PUM3: variants seen among roughly 807,000 people sequenced by gnomAD.
PUM3 encodes pumilio RNA binding family member 3.
In PUM3, 91 loss-of-function variants were observed where a neutral mutation model predicts 84.0. That is an observed-to-expected ratio of 1.08 (90% confidence interval 0.91 to 1.29). PUM3 has a LOEUF of 1.29. PUM3 is among the 50% of genes most tolerant of loss of function. PUM3 has a pLI of 0.00. For missense variants in PUM3, 1,067 were observed against 767.5 expected, an observed-to-expected ratio of 1.39 and a Z score of -4.61; for synonymous variants, 321 against 266.7, an observed-to-expected ratio of 1.20 and a Z score of -1.98.
At chr9:2,843,607 C>T (rs1240833363) in intron 1 of PUM3, among the ~76,000 whole-genome samples, 1 of 122,432 alleles carries the variant, frequency 8.2e-6, no homozygotes, top group Admixed American at 1.0e-4. Context: ...GAGACGGAGT[C>T]TTGCTCTGTC....
intron 1 of PUM3, among the ~76,000 whole-genome samples, chr9:2,842,548 G>A (rs1816292840): frequency 6.6e-6 from 1 of 152,084 alleles, no homozygotes; most frequent in South Asian, 2.1e-4. Flanking sequence ...CAGTTTAAAT[G>A]ACATTTTCTT....
chr9:2,825,602 C>T (rs1188922967), intron 10 of PUM3, among the ~76,000 whole-genome samples: 2 of 152,068 alleles, frequency 1.3e-5, no homozygotes, highest in African/African-American at 4.8e-5. Flanking sequence ...CCTGCCTCAG[C>T]CTCCCGAGTA....
chr9:2,823,163 G>A (rs930526917), intron 12 of PUM3, among the ~76,000 whole-genome samples: 36 of 152,034 alleles, frequency 2.4e-4, no homozygotes, highest in African/African-American at 7.5e-4. Flanking sequence ...GCAACAGCAT[G>A]AAAAATTATT....
chr9:2,828,021 T>G (rs1300174209), intron 9 of PUM3, among the ~76,000 whole-genome samples: 3 of 152,020 alleles, frequency 2.0e-5, no homozygotes, highest in Non-Finnish European at 4.4e-5. Context: ...GGCTTCCAAG[T>G]CTTACAATCC....
At chr9:2,805,986 T>G (rs1200148362) in intron 17 of PUM3, among the ~76,000 whole-genome samples, 2 of 152,142 alleles carry the variant, frequency 1.3e-5, no homozygotes, top group African/African-American at 4.8e-5. Flanking sequence ...ACAAAAACAA[T>G]TTTTTTGTAT....
Position 2,824,776 on chromosome 9 carries a change from C to T in PUM3, c.1075G>A (p.Ala359Thr), listed in dbSNP as rs1400612796. The T allele has an allele frequency of 1.3e-6, 2 of 1,583,104 alleles. No homozygotes were observed. ...ACTCTGGCGCCATCGTGTGTGTGTGCCAGGTAGACCACCGCTTCGCGGATG... is the reference window on the plus strand; with the variant it reads ...ACTCTGGCGCCATCGTGTGTGTGTGTCAGGTAGACCACCGCTTCGCGGATG... ...EAIREAVVYL[A>T]HTHDGARVAM... The change falls in exon 11 of 18, where the codon GCA becomes ACA. Residue 359 changes from alanine (A) to threonine (T), a missense_variant. Transcript: ENST00000397885.
rs761148909 is a variant in PUM3 at position 2,838,380 on chromosome 9, C to T, written c.82+46G>A. The T allele has an allele frequency of 1.1e-5, 14 of 1,272,400 alleles. No homozygotes were observed. In the East Asian group the frequency reaches 1.8e-4, roughly 17 times the overall value. 78.8% of individuals were successfully genotyped at this position (1,272,400 alleles called of 1,614,324 possible). On this transcript the variant is annotated intron_variant, in intron 2 of 17. Transcript: ENST00000397885. ...TGAAATTTACTACATGCCCTCCCAT[C>T]CCCCAATTATAACAGCCAAACACCC... is the stretch of plus-strand genomic sequence containing the variant.
chr9:2,805,677 ATAATAG>A (rs1316304625), intron 17 of PUM3, among the ~76,000 whole-genome samples: 1 of 152,210 alleles, frequency 6.6e-6, no homozygotes, highest in Non-Finnish European at 1.5e-5. Flanking sequence ...TATACAACAC[ATAATAG>A]TAAGTTATTG....
intron 8 of PUM3, among the ~76,000 whole-genome samples, chr9:2,829,029 C>T (rs902371924): frequency 1.1e-4 from 17 of 152,186 alleles, no homozygotes; most frequent in Non-Finnish European, 1.9e-4. Context: ...TTGCCAAGCA[C>T]CTAGCTCTTG....
Position 2,827,701 on chromosome 9 carries a change from C to G in PUM3, c.957-550G>C, listed in dbSNP as rs78051043. 9.9e-3 allele frequency among the ~76,000 whole-genome samples: 1,514 copies of G among 152,286 alleles called. 28 individuals carry two copies. Among genetic ancestry groups the G allele is most frequent in the African/African-American group, 0.035 (1,468 of 41,550 alleles). On this transcript the variant is annotated intron_variant, in intron 9 of 17. Transcript: ENST00000397885. ...AGGCCGATGGTCAGGCATAAAAGAC[C>G]TAAAGTTCACAGGTGATACCCAAGT...
intron 17 of PUM3, among the ~76,000 whole-genome samples, chr9:2,807,597 T>A (rs1821285150): frequency 4.9e-5 from 2 of 40,628 alleles, no homozygotes; most frequent in Non-Finnish European, 4.0e-5. Flanking sequence ...TGAGACTCCA[T>A]CTCAAAAAAA....
intron 17 of PUM3, among the ~76,000 whole-genome samples, chr9:2,806,145 T>C (rs1821254368): frequency 6.6e-6 from 1 of 152,228 alleles, no homozygotes; most frequent in Non-Finnish European, 1.5e-5. Flanking sequence ...ATGAACAACC[T>C]TTATAAATTA....
Position 2,812,201 on chromosome 9 carries a change from C to G in PUM3, c.1412+19G>C, listed in dbSNP as rs370592270. The G allele has an allele frequency of 1.7e-5, 28 of 1,609,044 alleles. No individual in the cohort carries two copies. The African/African-American group carries it at 2.5e-4, about 15-fold the overall frequency. ...TTAACAGAGGAATAAAGAAGTCAAG[C>G]CATTCTACTTGGTTTTACCTGTGTG... is the stretch of plus-strand genomic sequence containing the variant. On this transcript the variant is annotated intron_variant, in intron 14 of 17. Transcript: ENST00000397885.
chr9:2,831,284 C>G lies in PUM3; in HGVS notation c.577G>C (p.Glu193Gln). Reference protein sequence around the residue: ...IQCYIQYGNEEQRKQAFEELR... With the variant: ...IQCYIQYGNEQQRKQAFEELR... ...TCTTCAAAAGCCTGTTTTCTCTGTT[C>G]TTCATTACCATACTGAATGTAACAC... Residue 193 changes from glutamate (E) to glutamine (Q), a missense_variant, in exon 6 of 18, where the codon GAA becomes CAA. By Grantham distance (29) the Glu-to-Gln change is conservative. Transcript: ENST00000397885. 6.2e-7 allele frequency: 1 copy of G among 1,609,012 alleles called. No individual in the cohort carries two copies.
rs961978984 is a variant in PUM3, at chr9:2,829,702, T to C, written c.852+72A>G. On this transcript the variant is annotated intron_variant, in intron 8 of 17. Transcript: ENST00000397885. ...AGTAAAAATACATTCAAAAGATATA[T>C]AGGGCACCGGAAGTTAAGGAAGAGC... 9 of 1,288,872 alleles carry C rather than the reference T, an allele frequency of 7.0e-6. No homozygotes were observed. In the Admixed American group the frequency reaches 1.6e-4, roughly 23 times the overall value. 79.8% of individuals were successfully genotyped at this position (1,288,872 alleles called of 1,614,324 possible). A position where few individuals can be genotyped will look rare whatever the true frequency, so the allele number is the denominator to read the frequency against.
chr9:2,838,370 G>T, intron 2 of PUM3, 56 bp downstream of exon 2: 1 of 1,127,464 alleles, frequency 8.9e-7, no homozygotes, highest in Non-Finnish European at 1.4e-6. Flanking sequence ...TTTACTACAT[G>T]CCCTCCCATC....
chr9:2,837,679 T>C (rs2129886117), intron 2 of PUM3, among the ~76,000 whole-genome samples: 1 of 152,288 alleles, frequency 6.6e-6, no homozygotes, highest in South Asian at 2.1e-4. Flanking sequence ...GGTGTCAGTT[T>C]GGTATGTTTC....
At chr9:2,811,720 A>G (rs1242331114) in intron 14 of PUM3, 137 bp from the exon 15 acceptor site, 11 of 647,048 alleles carry the variant, frequency 1.7e-5, no homozygotes, top group East Asian at 2.7e-5. Flanking sequence ...TCTGTTAAGC[A>G]TGTAGACAAT....
intron 6 of PUM3, 85 bp from the exon 7 acceptor site, chr9:2,831,113 G>GA: frequency 1.0e-6 from 1 of 991,458 alleles, no homozygotes; most frequent in Non-Finnish European, 1.5e-6. Context: ...CCCAGGCAAG[G>GA]AAAAAATAAA....
Sources: gnomAD v4.1 joint callset for allele counts (sites outside exome capture counted in the v4.1 genomes callset) on GRCh38, gnomAD v4.1.1 for gene constraint, MANE v1.5 for transcripts, NCBI Gene and HGNC (gene_info 2026-07-23, HGNC 2026-07-21) for gene names.